SYAP1: variants seen among roughly 807,000 people sequenced by gnomAD.
SYAP1 encodes the protein synapse associated protein 1.
A neutral mutation model predicts 29.6 loss-of-function variants in SYAP1; 3 were observed. That is an observed-to-expected ratio of 0.10 (90% CI 0.05 to 0.26). SYAP1 has a LOEUF of 0.26. Ranked by LOEUF, SYAP1 falls within the 10% of genes least tolerant of loss-of-function variation. The pLI, the probability that SYAP1 is intolerant of heterozygous loss-of-function variation, is 1.00. For missense variants in SYAP1, 217 were observed against 264.1 expected (o/e 0.82, Z 1.24); for synonymous variants, 102 against 102.7 (o/e 0.99, Z 0.04).
chrX:16,720,508 G>A (rs949953177), intron 1 of SYAP1, among the ~76,000 whole-genome samples: 1 of 112,366 alleles, frequency 8.9e-6, no homozygotes, highest in Non-Finnish European at 1.9e-5. Flanking sequence ...TGAGTTGGGG[G>A]AACAAGCCCA....
rs1022607149 is a variant in SYAP1, at chrX:16,721,691, C to A, written c.175+1792C>A. Among the ~76,000 whole-genome samples the A allele has an allele frequency of 2.5e-4, 23 of 91,031 alleles. No homozygotes were observed. The Middle Eastern group carries it at 0.016, about 63-fold the overall frequency. The allele number at this position is 91,031 out of a possible 115,157, so 79.0% of individuals were successfully genotyped here. ...TACAGGCACACGCTGCCACACCTGG[C>A]TAATTTTTTTTTTTTTTGTATTTTT... On this transcript the variant is annotated intron_variant, in intron 1 of 8. Coordinates refer to ENST00000380155, the MANE Select transcript of SYAP1 (RefSeq NM_032796.4).
rs72616024 is a variant in SYAP1 at position 16,757,300 on chromosome X, G to A, written c.922G>A (p.Val308Ile). ...VLDKKQEETA[V>I]LEEDSADWEK... is the part of the protein sequence containing the mutation. The stretch of plus-strand genomic sequence containing the variant: ...TGACAAAAAGCAAGAGGAGACAGCC[G>A]TACTGGAAGGTAAAAAACAAAACAA... Residue 308 changes from valine (V) to isoleucine (I), a missense_variant, in exon 8 of 9, where the codon GTA (valine) becomes ATA (isoleucine). Physicochemically the swap from Val to Ile is conservative, Grantham distance 29 (BLOSUM62 3). Coordinates refer to ENST00000380155, the MANE Select transcript of SYAP1 (RefSeq NM_032796.4). 3.2e-5 allele frequency: 38 copies of A among 1,198,964 alleles called. No individual in the cohort carries two copies. The East Asian group carries it at 7.1e-4, about 22-fold the overall frequency.
chrX:16,730,247 G>A (rs1231031350), intron 1 of SYAP1, among the ~76,000 whole-genome samples: 11 of 111,924 alleles, frequency 9.8e-5, no homozygotes, highest in East Asian at 2.8e-4. Flanking sequence ...CCAGCTACTC[G>A]GGAGGCTGAG....
At chrX:16,746,649 C>A (rs1926614947) in intron 5 of SYAP1, among the ~76,000 whole-genome samples, 1 of 111,404 alleles carries the variant, frequency 9.0e-6, no homozygotes, top group Non-Finnish European at 1.9e-5. Flanking sequence ...ATGGCTTGAT[C>A]TCGGCTCATC....
chrX:16,741,743 C>G lies in SYAP1; in HGVS notation c.389C>G (p.Thr130Ser). The G allele has an allele frequency of 4.1e-6, 5 of 1,207,401 alleles. No individual in the cohort carries two copies. Among genetic ancestry groups the G allele is most frequent in the Non-Finnish European group, 5.6e-6 (5 of 893,548 alleles). ...GCAGCTGTGCCCCCATGGGTTGACA[C>G]TAACGATGAAGAAACAATTCAACAA... ...SEAAVPPWVD[T>S]NDEETIQQQI... The change falls in exon 4 of 9, where the codon ACT (threonine) becomes AGT (serine). Residue 130 changes from threonine to serine, a missense_variant. Coordinates refer to ENST00000380155, the MANE Select transcript of SYAP1 (RefSeq NM_032796.4).
Position 16,736,149 on chromosome X carries a change from T to C in SYAP1, c.295-17T>C. ...GATACATTGCTATTTAATTTGACTA[T>C]GTATTTTTTTTAACAGACAATTATA... On this transcript the variant is annotated splice_polypyrimidine_tract_variant and intron_variant, in intron 2 of 8. Transcript: ENST00000380155. 9.6e-7 allele frequency: 1 copy of C among 1,045,078 alleles called. No individual in the cohort carries two copies. Among genetic ancestry groups the C allele is most frequent in the Non-Finnish European group, 1.3e-6 (1 of 745,275 alleles). 86.1% of individuals were successfully genotyped at this position (1,045,078 alleles called of 1,213,427 possible). A position where few individuals can be genotyped will look rare whatever the true frequency, so the allele number is the denominator to read the frequency against.
At chrX:16,740,996 C>T (rs771043224) in intron 3 of SYAP1, among the ~76,000 whole-genome samples, 21 of 109,977 alleles carry the variant, frequency 1.9e-4, no homozygotes, top group Admixed American at 4.9e-4. Context: ...GATTCTTTCT[C>T]ATTCAGGCTT....
At chrX:16,745,337 C>A (rs1413785654) in intron 5 of SYAP1, among the ~76,000 whole-genome samples, 3 of 111,731 alleles carry the variant, frequency 2.7e-5, no homozygotes, top group African/African-American at 9.8e-5. Context: ...CTCCCCTCCC[C>A]ACATGGGCAG....
intron 8 of SYAP1, among the ~76,000 whole-genome samples, chrX:16,759,745 T>C (rs1281006623): frequency 8.9e-6 from 1 of 112,153 alleles, no homozygotes; most frequent in Non-Finnish European, 1.9e-5. Context: ...CATTTCCCTA[T>C]CTATAAGATG....
At chrX:16,735,774 G>A (rs1463968666) in intron 2 of SYAP1, among the ~76,000 whole-genome samples, 2 of 111,509 alleles carry the variant, frequency 1.8e-5, no homozygotes, top group Admixed American at 9.6e-5. Flanking sequence ...ACAGGCATGC[G>A]CTACCACACC....
intron 5 of SYAP1, among the ~76,000 whole-genome samples, chrX:16,748,369 C>T (rs972132899): frequency 8.9e-6 from 1 of 112,721 alleles, no homozygotes; most frequent in Non-Finnish European, 1.9e-5. Flanking sequence ...GGTTTCCAGA[C>T]TTTTCCTGCC....
chrX:16,736,063 C>CTG (rs1926321574), intron 2 of SYAP1, 103 bp from the exon 3 acceptor site: 1 of 549,103 alleles, frequency 1.8e-6, no homozygotes, highest in Admixed American at 3.0e-5. Context: ...TGCAGTGGGC[C>CTG]TATGGCATTT....
intron 1 of SYAP1, among the ~76,000 whole-genome samples, chrX:16,733,539 AGAG>A (rs766004519): frequency 3.6e-4 from 40 of 111,771 alleles, no homozygotes; most frequent in Non-Finnish European, 3.8e-4. Flanking sequence ...ATTTCTCATG[AGAG>A]GAGGATGTCA....
rs201246998 is a variant in SYAP1, at chrX:16,748,038, G to A, written c.575+4198G>A. ...GCGGAGGTTGCAGTGAGCCAAGATC[G>A]TATCATTGCACTCCAGCCTAGGCAA... On this transcript the variant is annotated intron_variant, in intron 5 of 8. Transcript: ENST00000380155. 1.8e-4 allele frequency among the ~76,000 whole-genome samples: 20 copies of A among 109,455 alleles called. 1 individual carries two copies. The East Asian group carries it at 4.9e-3, about 27-fold the overall frequency.
chrX:16,735,495 T>G (rs781621767), intron 2 of SYAP1, 150 bp downstream of exon 2: 1 of 398,667 alleles, frequency 2.5e-6, no homozygotes, highest in Admixed American at 5.3e-5. Context: ...TTTTTTCCTC[T>G]CTTTGAATAA....
At chrX:16,741,276 A>G (rs184580077) in intron 3 of SYAP1, among the ~76,000 whole-genome samples, 10 of 111,175 alleles carry the variant, frequency 9.0e-5, no homozygotes, top group Non-Finnish European at 1.7e-4. Context: ...ACAGCTCACT[A>G]CAGCCTTGAC....
rs1163352686 is a variant in SYAP1 at position 16,765,212 on chromosome X, C to T, written c.*4853C>T. On this transcript the variant is annotated 3_prime_UTR_variant, in exon 9 of 9. Coordinates refer to ENST00000380155, the MANE Select transcript of SYAP1 (RefSeq NM_032796.4). ...TAAGGGATTTACTTAGATAAGCCATCGATGATTTCAGTTGTTAAAAGTGTG... is the reference window on the plus strand; with the variant it reads ...TAAGGGATTTACTTAGATAAGCCATTGATGATTTCAGTTGTTAAAAGTGTG... 2.7e-5 allele frequency: 3 copies of T among 112,146 alleles called. No homozygotes were observed. Among genetic ancestry groups the T allele is most frequent in the African/African-American group, 6.5e-5 (2 of 30,909 alleles). The allele number at this position is 112,146 out of a possible 1,213,427, so 9.2% of individuals were successfully genotyped here.
intron 3 of SYAP1, 107 bp downstream of exon 3, chrX:16,736,339 G>A (rs1926328101): frequency 4.0e-6 from 2 of 501,283 alleles, no homozygotes; most frequent in East Asian, 7.1e-5. Context: ...ATATGCAATG[G>A]CCCCATCCTT....
chrX:16,731,332 A>G (rs972221386), intron 1 of SYAP1, among the ~76,000 whole-genome samples: 1 of 112,117 alleles, frequency 8.9e-6, no homozygotes, highest in Non-Finnish European at 1.9e-5. Context: ...TACCTAGATT[A>G]TTTATGAAAA....
Sources: gnomAD v4.1 joint callset for allele counts (sites outside exome capture counted in the v4.1 genomes callset) on GRCh38, gnomAD v4.1.1 for gene constraint, MANE v1.5 for transcripts, NCBI Gene and HGNC (gene_info 2026-07-23, HGNC 2026-07-21) for gene names.